The following MYLK variants were observed in gnomAD, a reference collection of about 807,000 sequenced individuals.
The protein encoded by MYLK is myosin light chain kinase, smooth muscle.
A neutral mutation model predicts 203.4 loss-of-function variants in MYLK; 106 were observed. The observed-to-expected ratio is 0.52, with a 90% CI of 0.45 to 0.61. The LOEUF is 0.61. Ranked by LOEUF, MYLK falls within the 20% of genes least tolerant of loss-of-function variation. The pLI, the probability that MYLK is intolerant of heterozygous loss-of-function variation, is 0.00. For synonymous variants in MYLK, 867 were observed against 959.5 expected (o/e 0.90, Z 1.78); for missense variants, 2,072 against 2,442.3 (o/e 0.85, Z 3.20).
chr3:123,624,428 C>G (rs1412241849), intron 31 of MYLK: 1 of 152,052 alleles, frequency 6.6e-6, no homozygotes, highest in African/African-American at 2.4e-5. Flanking sequence ...TTCTCTGCTC[C>G]TAGCCCCTGG....
intron 3 of MYLK, among the ~76,000 whole-genome samples, chr3:123,827,690 A>C (rs2066167385): frequency 9.3e-6 from 1 of 107,040 alleles, no homozygotes; most frequent in Non-Finnish European, 1.9e-5. Flanking sequence ...AAGATGAAAA[A>C]CACCATATAT....
intron 4 of MYLK, among the ~76,000 whole-genome samples, chr3:123,782,043 C>T (rs1200721837): frequency 6.6e-6 from 1 of 152,128 alleles, no homozygotes; most frequent in East Asian, 1.9e-4. Flanking sequence ...ACAACAGACA[C>T]ATCACAGAAT....
chr3:123,858,913 G>A (rs2148683345), intron 2 of MYLK, among the ~76,000 whole-genome samples: 1 of 152,294 alleles, frequency 6.6e-6, no homozygotes, highest in Non-Finnish European at 1.5e-5. Flanking sequence ...AGAGCTGTGT[G>A]CTTACGAAGA....
intron 4 of MYLK, among the ~76,000 whole-genome samples, chr3:123,767,299 T>C (rs561821204): frequency 7.3e-4 from 111 of 152,310 alleles, no homozygotes; most frequent in Non-Finnish European, 3.5e-4. Context: ...CAACTCATTC[T>C]TCGTCTGTTA....
At chr3:123,722,654 C>G (rs557288119) in intron 12 of MYLK, among the ~76,000 whole-genome samples, 84 of 152,250 alleles carry the variant, frequency 5.5e-4, no homozygotes, top group African/African-American at 1.9e-3. Flanking sequence ...GAATTCTGAG[C>G]CTGGAGAGAC....
At chr3:123,849,125 G>A (rs982767338) in intron 2 of MYLK, among the ~76,000 whole-genome samples, 2 of 152,106 alleles carry the variant, frequency 1.3e-5, no homozygotes, top group Admixed American at 6.6e-5. Context: ...ACAGGCCCGC[G>A]TCACTACACC....
At chr3:123,715,574 G>C (rs1365418625) in intron 13 of MYLK, among the ~76,000 whole-genome samples, 1 of 152,190 alleles carries the variant, frequency 6.6e-6, no homozygotes, top group South Asian at 2.1e-4. Flanking sequence ...AGAGTTAGGA[G>C]CAGTTTGCTA....
At chr3:123,614,817 G>A (rs1235892512) in intron 33 of MYLK, among the ~76,000 whole-genome samples, 1 of 150,858 alleles carries the variant, frequency 6.6e-6, no homozygotes, top group Admixed American at 6.6e-5. Context: ...CACTTTTTGG[G>A]GGGTAGGGGG....
At chr3:123,827,315 T>C (rs755016166) in intron 3 of MYLK, among the ~76,000 whole-genome samples, 9 of 152,106 alleles carry the variant, frequency 5.9e-5, no homozygotes, top group Non-Finnish European at 1.0e-4. Flanking sequence ...GAACCCCAAA[T>C]AGATTAAACC....
At chr3:123,765,479 C>A (rs1009266048) in intron 4 of MYLK, among the ~76,000 whole-genome samples, 1 of 149,790 alleles carries the variant, frequency 6.7e-6, no homozygotes, top group Non-Finnish European at 1.5e-5. Context: ...TGCAATGAGC[C>A]GAGATTGCGC....
chr3:123,702,073 G>A (rs887008057), intron 16 of MYLK, among the ~76,000 whole-genome samples: 5 of 152,212 alleles, frequency 3.3e-5, no homozygotes, highest in Non-Finnish European at 5.9e-5. Context: ...TCCTACATGA[G>A]TGGCCCTTTC....
intron 2 of MYLK, among the ~76,000 whole-genome samples, chr3:123,872,653 A>G (rs1442016028): frequency 1.3e-5 from 2 of 152,162 alleles, no homozygotes; most frequent in African/African-American, 4.8e-5. Flanking sequence ...GGAACAGCCA[A>G]ATGGAAGAGA....
At chr3:123,739,150 A>C in intron 6 of MYLK, 88 bp from the exon 7 acceptor site, 1 of 1,446,584 alleles carries the variant, frequency 6.9e-7, no homozygotes, top group South Asian at 1.2e-5. Context: ...CACTAAGTTA[A>C]GGTCAGAAGC....
chr3:123,671,222 T>G (rs1485204515), intron 20 of MYLK, among the ~76,000 whole-genome samples: 1 of 152,242 alleles, frequency 6.6e-6, no homozygotes, highest in Non-Finnish European at 1.5e-5. Context: ...AGATTAATAT[T>G]TCAGCTTGAA....
intron 20 of MYLK, among the ~76,000 whole-genome samples, chr3:123,679,282 G>A (rs1311710863): frequency 2.0e-5 from 3 of 150,352 alleles, no homozygotes; most frequent in Non-Finnish European, 4.4e-5. Context: ...ACTCCAGCCT[G>A]GTGACAGAGC....
chr3:123,726,444 T>C (rs947744650), intron 11 of MYLK, among the ~76,000 whole-genome samples: 3 of 152,188 alleles, frequency 2.0e-5, no homozygotes, highest in African/African-American at 2.4e-5. Flanking sequence ...CCTACTCTAT[T>C]TTCTAGTGTC....
intron 16 of MYLK, among the ~76,000 whole-genome samples, chr3:123,704,335 A>G (rs1342323643): frequency 6.6e-6 from 1 of 152,154 alleles, no homozygotes; most frequent in African/African-American, 2.4e-5. Context: ...CAGATCACCT[A>G]AGCTGCTGGA....
intron 11 of MYLK, among the ~76,000 whole-genome samples, chr3:123,731,811 A>T (rs529758672): frequency 2.0e-5 from 3 of 151,988 alleles, no homozygotes; most frequent in Admixed American, 1.3e-4. Flanking sequence ...GACCACCATC[A>T]CATCTTAAAA....
At position 123,647,395 on chromosome 3, in the gene MYLK, T is replaced by C. The variant is rs2059057859; in HGVS notation, c.4448A>G (p.Glu1483Gly). The change falls in exon 27 of 34, where the codon GAA (glutamate) becomes GGA (glycine). Residue 1483 changes from glutamate to glycine, a missense_variant. Glu to Gly is a moderately conservative substitution (Grantham distance 98). Coordinates refer to ENST00000360304, the MANE Select transcript of MYLK (RefSeq NM_053025.4). ...TGCCCAGACTTTTCGAGTTTTCTTT[T>C]CTACAAGTCGAAAGACCTGTCCAAA... ...GKFGQVFRLV[E>G]KKTRKVWAGK... The C allele has an allele frequency of 1.2e-6, 2 of 1,614,238 alleles. No homozygotes were observed. The highest frequency in any genetic ancestry group is 2.2e-5 in the East Asian group (1 of 44,892).
Sources: gnomAD v4.1 joint callset for allele counts (sites outside exome capture counted in the v4.1 genomes callset) on GRCh38, gnomAD v4.1.1 for gene constraint, MANE v1.5 for transcripts, NCBI Gene and HGNC (gene_info 2026-07-23, HGNC 2026-07-21) for gene names.